Variants in CLRN3 observed in about 807,000 individuals in gnomAD.
CLRN3 encodes clarin-3.
A neutral mutation model predicts 16.7 loss-of-function variants in CLRN3; 12 were observed. The observed-to-expected ratio is 0.72, with a 90% confidence interval of 0.46 to 1.16. The LOEUF (loss-of-function observed/expected upper bound fraction) is 1.16, where lower values mean the gene tolerates loss of function less well. Among genes scored for constraint, CLRN3 ranks in the 50% most tolerant of loss-of-function variants. CLRN3 has a pLI of 0.00. For missense variants in CLRN3, 296 were observed against 274.2 expected (o/e 1.08, Z -0.56); for synonymous variants, 118 against 113.0 (o/e 1.04, Z -0.28).
intron 2 of CLRN3, among the ~76,000 whole-genome samples, chr10:127,880,940 C>T (rs543098299): frequency 6.6e-6 from 1 of 152,308 alleles, no homozygotes; most frequent in African/African-American, 2.4e-5. Flanking sequence ...CTTCTGCAGG[C>T]TGAGCCTCCT....
intron 1 of CLRN3, among the ~76,000 whole-genome samples, chr10:127,888,725 TC>T (rs1288942464): frequency 1.3e-5 from 2 of 152,114 alleles, no homozygotes; most frequent in Admixed American, 6.5e-5. Context: ...GAGCTTTCCC[TC>T]AGTCTGCCTT....
At chr10:127,881,848 G>A (rs1459220550) in intron 2 of CLRN3, among the ~76,000 whole-genome samples, 7 of 152,240 alleles carry the variant, frequency 4.6e-5, no homozygotes, top group Admixed American at 1.3e-4. Flanking sequence ...GAATGATGGA[G>A]TCAACGCTGA....
At position 127,892,914 on chromosome 10, in the gene CLRN3, C is replaced by G. The variant is rs116296074; in HGVS notation, c.-130G>C. 393 of 630,008 alleles carry G rather than the reference C, an allele frequency of 6.2e-4. 2 individuals carry two copies. Among genetic ancestry groups the G allele is most frequent in the African/African-American group, 5.6e-3 (307 of 54,654 alleles). The allele number at this position is 630,008 out of a possible 1,614,324, so 39.0% of individuals were successfully genotyped here. A position where few individuals can be genotyped will look rare whatever the true frequency, so the allele number is the denominator to read the frequency against. ...CTTTATTGTCAAATATAAAATCTCA[C>G]TCTTCCTGAGGAAGGGTTATGCTAA... is the stretch of plus-strand genomic sequence containing the variant. On this transcript the variant is annotated 5_prime_UTR_variant, in exon 1 of 3. Coordinates refer to ENST00000368671, the MANE Select transcript of CLRN3 (RefSeq NM_152311.5).
Position 127,892,537 on chromosome 10 carries a change from A to C in CLRN3, c.229+19T>G. The C allele has an allele frequency of 8.1e-7, 1 of 1,240,704 alleles. No individual in the cohort carries two copies. The allele number at this position is 1,240,704 out of a possible 1,614,324, so 76.9% of individuals were successfully genotyped here. ...TAATTCAATCTCACTATATTCATTC[A>C]AATTAGTTTATCATTTACCTGCAAA... On this transcript the variant is annotated intron_variant, in intron 1 of 2. Transcript: ENST00000368671.
At position 127,878,277 on chromosome 10, in the gene CLRN3, G is replaced by A. The variant is rs1845083407; in HGVS notation, c.553C>T (p.Leu185=). Residue 185 remains leucine, a synonymous_variant, in exon 3 of 3, where the codon CTG becomes TTG. Coordinates refer to ENST00000368671, the MANE Select transcript of CLRN3 (RefSeq NM_152311.5). ...HSYGYSFWLI[L]LVILLNIVTV... is the part of the protein sequence containing the mutation. ...ACTATATTTAGAAGAATGACGAGCAGTATGAGCCAGAACGAGTATCCGTAA... is the reference window on the plus strand; with the variant it reads ...ACTATATTTAGAAGAATGACGAGCAATATGAGCCAGAACGAGTATCCGTAA... The A allele has an allele frequency of 2.5e-6, 4 of 1,614,108 alleles. No homozygotes were observed. The highest frequency in any genetic ancestry group is 2.5e-6 in the Non-Finnish European group (3 of 1,180,048).
At position 127,892,725 on chromosome 10, in the gene CLRN3, G is replaced by T. The variant is rs565998993; in HGVS notation, c.60C>A (p.Ser20=). Residue 20 remains serine, a synonymous_variant, in exon 1 of 3, where the codon TCC becomes TCA. Transcript: ENST00000368671. ...CAAGAATAGAGCAAATTACAATGAAGGACCCAAGGCTGGTGAAAAAGCTTG... is the reference window on the plus strand; with the variant it reads ...CAAGAATAGAGCAAATTACAATGAATGACCCAAGGCTGGTGAAAAAGCTTG... ...FLSSFFTSLG[S]FIVICSILGT... 5.9e-5 allele frequency: 95 copies of T among 1,613,758 alleles called. 1 individual carries two copies. In the South Asian group the frequency reaches 1.0e-3, roughly 18 times the overall value.
intron 1 of CLRN3, among the ~76,000 whole-genome samples, 189 bp from the exon 2 acceptor site, chr10:127,884,064 G>A (rs578221173): frequency 6.6e-6 from 1 of 152,364 alleles, no homozygotes; most frequent in South Asian, 2.1e-4. Context: ...TGTTGAATCA[G>A]TGGTTGGATG....
chr10:127,885,770 T>G (rs115283172), intron 1 of CLRN3, among the ~76,000 whole-genome samples: 2,343 of 152,226 alleles, frequency 0.015, 61 homozygotes, highest in African/African-American at 0.054. Flanking sequence ...AATTTTTTTT[T>G]TTGAGTTGGA....
At chr10:127,879,941 T>G (rs1016872410) in intron 2 of CLRN3, among the ~76,000 whole-genome samples, 1 of 152,144 alleles carries the variant, frequency 6.6e-6, no homozygotes, top group Non-Finnish European at 1.5e-5. Flanking sequence ...TCTGCCGCCA[T>G]GTACCCGGAA....
chr10:127,890,709 C>T (rs1203948673), intron 1 of CLRN3, among the ~76,000 whole-genome samples: 2 of 152,104 alleles, frequency 1.3e-5, no homozygotes, highest in African/African-American at 4.8e-5. Flanking sequence ...CCACGAGAAA[C>T]CACAGGAGAG....
intron 2 of CLRN3, 130 bp from the exon 3 acceptor site, chr10:127,878,550 G>T (rs2135075333): frequency 1.5e-6 from 2 of 1,302,682 alleles, no homozygotes; most frequent in East Asian, 5.0e-5. Context: ...TTAAGCACTA[G>T]GGAGAAGGTA....
intron 1 of CLRN3, among the ~76,000 whole-genome samples, chr10:127,889,481 G>A (rs546866996): frequency 7.9e-5 from 12 of 152,090 alleles, no homozygotes; most frequent in African/African-American, 2.4e-4. Context: ...AAAATTAGCC[G>A]GGTGTTGTAG....
intron 1 of CLRN3, among the ~76,000 whole-genome samples, chr10:127,887,399 C>G (rs996192255): frequency 1.6e-4 from 25 of 151,822 alleles, no homozygotes; most frequent in African/African-American, 6.1e-4. Context: ...TTCTGCTTTA[C>G]ACACTTAGTA....
intron 1 of CLRN3, among the ~76,000 whole-genome samples, chr10:127,884,310 T>C (rs1273734710): frequency 6.6e-6 from 1 of 152,198 alleles, no homozygotes; most frequent in East Asian, 1.9e-4. Flanking sequence ...TGAAAACCTG[T>C]GCACTGTGAG....
chr10:127,888,305 A>T (rs1160104020), intron 1 of CLRN3, among the ~76,000 whole-genome samples: 1 of 152,124 alleles, frequency 6.6e-6, no homozygotes, highest in Non-Finnish European at 1.5e-5. Context: ...GAAAGTTGCC[A>T]GGGTTCCTTA....
intron 2 of CLRN3, among the ~76,000 whole-genome samples, 190 bp from the exon 3 acceptor site, chr10:127,878,610 T>G (rs532177048): frequency 9.2e-5 from 14 of 152,320 alleles, no homozygotes; most frequent in South Asian, 6.2e-4. Context: ...CACTAAAGAT[T>G]GTGCAGGGCT....
chr10:127,878,088 C>A lies in CLRN3; in HGVS notation c.*61G>T. The A allele has an allele frequency of 6.4e-7, 1 of 1,567,234 alleles. No homozygotes were observed. The highest frequency in any genetic ancestry group is 1.1e-5 in the South Asian group (1 of 87,032). On this transcript the variant is annotated 3_prime_UTR_variant, in exon 3 of 3. Transcript: ENST00000368671. Reference sequence around the variant, plus strand: ...ATGCTGAATTGTCCAGAGAAGCTAACCAGTTACTACTCAGGGCTGATGTAC... The same window carrying A: ...ATGCTGAATTGTCCAGAGAAGCTAAACAGTTACTACTCAGGGCTGATGTAC...
chr10:127,883,722 C>T lies in CLRN3; in HGVS notation c.383G>A (p.Gly128Glu). ...ACCGAGCCCGTTCCAGGTGTACACC[C>T]CCGTCGGCCCCAGGAATGTCTGGTA... is the stretch of plus-strand genomic sequence containing the variant. Reference protein sequence around the residue: ...NPYQTFLGPTGVYTWNGLGAS... With the variant: ...NPYQTFLGPTEVYTWNGLGAS... The change falls in exon 2 of 3, where the codon GGG becomes GAG. Residue 128 changes from glycine (G) to glutamate (E), a missense_variant. Gly to Glu is a moderately conservative substitution (Grantham distance 98, BLOSUM62 -2). Transcript: ENST00000368671. 3 of 1,613,736 alleles carry T rather than the reference C, an allele frequency of 1.9e-6. No homozygotes were observed. The highest frequency in any genetic ancestry group is 2.5e-6 in the Non-Finnish European group (3 of 1,179,756).
chr10:127,877,889 G>A lies in CLRN3; in HGVS notation c.*260C>T, dbSNP rs1845076835. 2 of 458,480 alleles carry A rather than the reference G, an allele frequency of 4.4e-6. No individual in the cohort carries two copies. Among genetic ancestry groups the A allele is most frequent in the South Asian group, 5.1e-5 (2 of 39,012 alleles). 28.4% of individuals were successfully genotyped at this position (458,480 alleles called of 1,614,324 possible). ...TTATTATTTCAGATCGTGAGACCAG[G>A]TCAGAAGGGTCGTTACGCTCATCAT... On this transcript the variant is annotated 3_prime_UTR_variant, in exon 3 of 3. Coordinates refer to ENST00000368671, the MANE Select transcript of CLRN3 (RefSeq NM_152311.5).
Sources: gnomAD v4.1 joint callset for allele counts (sites outside exome capture counted in the v4.1 genomes callset) on GRCh38, gnomAD v4.1.1 for gene constraint, MANE v1.5 for transcripts, NCBI Gene and HGNC (gene_info 2026-07-23, HGNC 2026-07-21) for gene names.